Variants in IQCH observed in about 807,000 individuals in gnomAD.
IQCH encodes the protein IQ motif containing H, also known as IQ domain-containing protein H.
A neutral mutation model predicts 117.0 loss-of-function variants in IQCH; 98 were observed. The ratio of observed to expected loss-of-function variants is 0.84; its 90% CI spans 0.71 to 0.99. The LOEUF (loss-of-function observed/expected upper bound fraction) is 0.99, where lower values mean the gene tolerates loss of function less well. Ranked by LOEUF, IQCH falls within the 50% of genes least tolerant of loss-of-function variation. The pLI, the probability that IQCH is intolerant of heterozygous loss-of-function variation, is 0.00. For missense variants in IQCH, 1,102 were observed against 1,243.8 expected, an observed-to-expected ratio of 0.89 and a Z score of 1.72; for synonymous variants, 412 against 448.2, an observed-to-expected ratio of 0.92 and a Z score of 1.02.
chr15:67,484,095 C>T (rs2083409447), intron 18 of IQCH, among the ~76,000 whole-genome samples: 1 of 147,334 alleles, frequency 6.8e-6, no homozygotes, highest in Admixed American at 6.7e-5. Context: ...AGACCAGGTC[C>T]AGCAACAGCT....
chr15:67,358,528 A>G (rs1020134213), intron 7 of IQCH, among the ~76,000 whole-genome samples: 1 of 152,112 alleles, frequency 6.6e-6, no homozygotes, highest in African/African-American at 2.4e-5. Context: ...AACTCCTCAC[A>G]GTACAATGTA....
In IQCH at chr15:67,454,548, ATTAGAAGTCACTCCCCATACCTCCT is replaced by A. The variant is rs1457284126; in HGVS notation, c.2506-10577_2506-10553del. ...AACCCCAAAAAAGAATGCTGTACAC[ATTAGAAGTCACTCCCCATACCTCCT>A]TCCTCACAGCCACTGGAAAACATTT... On this transcript the variant is annotated intron_variant, in intron 16 of 20. Coordinates refer to ENST00000335894, the MANE Select transcript of IQCH (RefSeq NM_001031715.3). This position sits in a 1 kb window ranked among gnomAD's most constrained non-coding sequence, Gnocchi z 5.2. Among the ~76,000 whole-genome samples, 1 of 152,230 alleles carries A rather than the reference ATTAGAAGTCACTCCCCATACCTCCT, an allele frequency of 6.6e-6. No individual in the cohort carries two copies. Among genetic ancestry groups the A allele is most frequent in the Non-Finnish European group, 1.5e-5 (1 of 68,034 alleles).
intron 18 of IQCH, among the ~76,000 whole-genome samples, chr15:67,487,369 C>T (rs914685902): frequency 2.0e-5 from 3 of 151,590 alleles, no homozygotes; most frequent in African/African-American, 7.3e-5. Context: ...GATGCCCATG[C>T]AGGGCTGCGA....
Position 67,385,622 on chromosome 15 carries a change from C to A in IQCH, c.1456+603C>A, listed in dbSNP as rs1971084984. Among the ~76,000 whole-genome samples, 1 of 152,080 alleles carries A rather than the reference C, an allele frequency of 6.6e-6. No homozygotes were observed. The highest frequency in any genetic ancestry group is 2.1e-4 in the South Asian group (1 of 4,822). On this transcript the variant is annotated intron_variant, in intron 11 of 20. Coordinates refer to ENST00000335894, the MANE Select transcript of IQCH (RefSeq NM_001031715.3). This position sits in a 1 kb window ranked among gnomAD's most constrained non-coding sequence, Gnocchi z 4.6. ...GGTTTGGTCAGTTCTTAATCAGACACCCATCTGGAGCCAGGAGAGAAGGAT... is the reference window on the plus strand; with the variant it reads ...GGTTTGGTCAGTTCTTAATCAGACAACCATCTGGAGCCAGGAGAGAAGGAT...
rs12592284 is a variant in IQCH, at chr15:67,437,691, T to C, written c.2505+16114T>C. On this transcript the variant is annotated intron_variant, in intron 16 of 20. Transcript: ENST00000335894. ...AGGGATACATATTCAAGGAAATAGC[T>C]TAAAGAAAAAACAATCAAGAATACA... Among the ~76,000 whole-genome samples the C allele has an allele frequency of 2.6e-5, 4 of 152,084 alleles. No individual in the cohort carries two copies. The East Asian group carries it at 7.7e-4, about 29-fold the overall frequency.
rs1567156812 is a variant in IQCH, at chr15:67,400,293, GA to G, written c.2088del (p.Lys696AsnfsTer9). On this transcript the variant is annotated frameshift_variant, in exon 14 of 21. Transcript: ENST00000335894. LOFTEE classifies it high-confidence loss of function. ...GATATGGCCTTGAAGACTGGAGAAA[GA>G]AATGGGCACAAGTGAGTATTCAATG... ...SRYGLEDWRK[K>X]WAQEPALVKI... is the part of the protein sequence containing the mutation. 7 of 1,612,856 alleles carry G rather than the reference GA, an allele frequency of 4.3e-6. No individual in the cohort carries two copies. In the South Asian group the frequency reaches 5.5e-5, roughly 13 times the overall value.
intron 8 of IQCH, chr15:67,360,087 C>A: frequency 1.9e-6 from 1 of 523,180 alleles, no homozygotes; most frequent in Non-Finnish European, 3.3e-6. Flanking sequence ...CCCTTTTTTG[C>A]CTCCTTTTGG....
chr15:67,317,557 AT>A (rs1015769774), intron 4 of IQCH, among the ~76,000 whole-genome samples: 1 of 152,024 alleles, frequency 6.6e-6, no homozygotes, highest in Non-Finnish European at 1.5e-5. Flanking sequence ...GGTAGAATTA[AT>A]TTTCTCTTGC....
chr15:67,400,112 A>AGAT lies in IQCH; in HGVS notation c.1908_1910dup. ...AATGCAGCTGTGTCTTTGGCCTCAC[A>AGAT]GATGATAGAGCAGCTGAGTCAGCTG... On this transcript the variant is annotated splice_acceptor_variant, in intron 13 of 20. Transcript: ENST00000335894. LOFTEE classifies it high-confidence loss of function. 1 of 1,612,950 alleles carries AGAT rather than the reference A, an allele frequency of 6.2e-7. No homozygotes were observed. Among genetic ancestry groups the AGAT allele is most frequent in the Non-Finnish European group, 8.5e-7 (1 of 1,179,184 alleles).
At chr15:67,415,853 C>A (rs914242846) in intron 14 of IQCH, among the ~76,000 whole-genome samples, 9 of 152,072 alleles carry the variant, frequency 5.9e-5, no homozygotes, top group Admixed American at 2.0e-4. Context: ...TGTCTCACTT[C>A]TGGCAGAAAT....
Position 67,391,997 on chromosome 15 carries a change from A to G in IQCH, c.1632+2991A>G, listed in dbSNP as rs1971301165. Among the ~76,000 whole-genome samples the G allele has an allele frequency of 6.6e-6, 1 of 152,160 alleles. No homozygotes were observed. Among genetic ancestry groups the G allele is most frequent in the Admixed American group, 6.5e-5 (1 of 15,268 alleles). ...CCTTCACATCTCAAAAACCCACCAG[A>G]TCTTTACTACTCACTCGATAAAATG... On this transcript the variant is annotated intron_variant, in intron 12 of 20. Coordinates refer to ENST00000335894, the MANE Select transcript of IQCH (RefSeq NM_001031715.3). The surrounding 1 kb of genome is among the most constrained non-coding windows in gnomAD (Gnocchi z 4.3).
intron 13 of IQCH, among the ~76,000 whole-genome samples, chr15:67,396,385 G>C (rs940757981): frequency 1.3e-5 from 2 of 152,184 alleles, no homozygotes; most frequent in Admixed American, 6.5e-5. Context: ...GGGGAAGTAA[G>C]ACAGCTCCAG....
chr15:67,284,114 T>C (rs925749042), intron 4 of IQCH, among the ~76,000 whole-genome samples: 2 of 152,130 alleles, frequency 1.3e-5, no homozygotes, highest in African/African-American at 4.8e-5. Context: ...AGTTGCTCTG[T>C]TTTACTATCA....
Position 67,417,066 on chromosome 15 carries a change from A to G in IQCH, c.2218+15A>G, listed in dbSNP as rs750733362. The G allele has an allele frequency of 5.7e-6, 9 of 1,592,536 alleles. No individual in the cohort carries two copies. The East Asian group carries it at 9.1e-5, about 16-fold the overall frequency. On this transcript the variant is annotated intron_variant, in intron 15 of 20. Transcript: ENST00000335894. The surrounding 1 kb of genome is among the most constrained non-coding windows in gnomAD (Gnocchi z 4.3). The stretch of plus-strand genomic sequence containing the variant: ...TCTCAGTCAAGGTAAATAAGACTGT[A>G]AAGTTTCTATTGAGGATTAGTCTAC...
rs762326292 is a variant in IQCH, at chr15:67,421,282, T to C, written c.2219-9T>C. 36 of 1,610,560 alleles carry C rather than the reference T, an allele frequency of 2.2e-5. 1 individual carries two copies. The highest frequency in any genetic ancestry group is 2.2e-5 in the Non-Finnish European group (26 of 1,177,444). ...TGTCCTTTCACCTACTCCATGTTTT[T>C]CCCACCAGGGGGTGTGATCGAAGCA... On this transcript the variant is annotated splice_polypyrimidine_tract_variant and intron_variant, in intron 15 of 20. Transcript: ENST00000335894.
chr15:67,481,720 A>C lies in IQCH; in HGVS notation c.2799+5902A>C, dbSNP rs1340042034. Among the ~76,000 whole-genome samples the C allele has an allele frequency of 1.3e-5, 2 of 152,214 alleles. No homozygotes were observed. Among genetic ancestry groups the C allele is most frequent in the Admixed American group, 6.5e-5 (1 of 15,278 alleles). On this transcript the variant is annotated intron_variant, in intron 18 of 20. Transcript: ENST00000335894. This position sits in a 1 kb window ranked among gnomAD's most constrained non-coding sequence, Gnocchi z 4.1. Reference sequence around the variant, plus strand: ...AAGCAAGAAAGCAAAGAAATATAGAAAATTTAAGAAGTATCTAGAAAAGAA... The same window carrying C: ...AAGCAAGAAAGCAAAGAAATATAGACAATTTAAGAAGTATCTAGAAAAGAA...
chr15:67,453,361 T>C lies in IQCH; in HGVS notation c.2506-11766T>C, dbSNP rs1162789687. ...TTTTTCCCATCTTTGTGGTTTTATC[T>C]ACCTTTGGTCTTTGATGATGGTGAC... On this transcript the variant is annotated intron_variant, in intron 16 of 20. Transcript: ENST00000335894. The surrounding 1 kb of genome is among the most constrained non-coding windows in gnomAD (Gnocchi z 5.8). Among the ~76,000 whole-genome samples, 1 of 151,922 alleles carries C rather than the reference T, an allele frequency of 6.6e-6. No homozygotes were observed. Among genetic ancestry groups the C allele is most frequent in the African/African-American group, 2.4e-5 (1 of 41,174 alleles).
At position 67,475,893 on chromosome 15, in the gene IQCH, G is replaced by A. The variant is rs1234361083; in HGVS notation, c.2799+75G>A. 4 of 1,326,326 alleles carry A rather than the reference G, an allele frequency of 3.0e-6. No homozygotes were observed. The highest frequency in any genetic ancestry group is 2.9e-5 in the African/African-American group (2 of 68,838). The allele number at this position is 1,326,326 out of a possible 1,614,324, so 82.2% of individuals were successfully genotyped here. On this transcript the variant is annotated intron_variant, in intron 18 of 20. Transcript: ENST00000335894. The surrounding 1 kb of genome is among the most constrained non-coding windows in gnomAD (Gnocchi z 5.7). The stretch of plus-strand genomic sequence containing the variant: ...TGATCTAGGTAGCTAATAATTTGGT[G>A]CCCCTTCAGATAGATATTCTTTAAA...
chr15:67,286,493 C>T (rs768117122), intron 4 of IQCH, among the ~76,000 whole-genome samples: 23 of 152,122 alleles, frequency 1.5e-4, no homozygotes, highest in Non-Finnish European at 2.8e-4. Flanking sequence ...TGAAAGTGGG[C>T]GTCCTTGTCA....
Sources: gnomAD v4.1 joint callset for allele counts (sites outside exome capture counted in the v4.1 genomes callset) on GRCh38, gnomAD v4.1.1 for gene constraint, Gnocchi (gnomAD v3.1) non-coding constraint, MANE v1.5 for transcripts, NCBI Gene and HGNC (gene_info 2026-07-23, HGNC 2026-07-21) for gene names.